PTPRD: variants seen among roughly 807,000 people sequenced by gnomAD.
PTPRD encodes the protein protein tyrosine phosphatase receptor type D.
In PTPRD, 34 loss-of-function variants were observed where a neutral mutation model predicts 214.5. The ratio of observed to expected loss-of-function variants is 0.16; its 90% CI spans 0.12 to 0.21. The LOEUF (loss-of-function observed/expected upper bound fraction) is 0.21, where lower values mean the gene tolerates loss of function less well. Ranked by LOEUF, PTPRD falls within the 10% of genes least tolerant of loss-of-function variation. PTPRD has a pLI of 1.00. For missense variants in PTPRD, 2,545 were observed against 2,398.7 expected, an observed-to-expected ratio of 1.06 and a Z score of -1.27; for synonymous variants, 1,128 against 845.7, an observed-to-expected ratio of 1.33 and a Z score of -5.79.
At chr9:8,847,928 A>G (rs1399435488) in intron 11 of PTPRD, among the ~76,000 whole-genome samples, 2 of 152,152 alleles carry the variant, frequency 1.3e-5, no homozygotes, top group African/African-American at 4.8e-5. Flanking sequence ...GCATAATTCC[A>G]TTTCTTTGAT....
chr9:10,456,327 G>A (rs2098917007), intron 2 of PTPRD, among the ~76,000 whole-genome samples: 1 of 151,872 alleles, frequency 6.6e-6, no homozygotes, highest in Non-Finnish European at 1.5e-5. Flanking sequence ...TTTACCAAGT[G>A]AATCAAAACC....
intron 10 of PTPRD, among the ~76,000 whole-genome samples, chr9:9,042,610 TTTTCTTTTC>T (rs1385310216): frequency 9.6e-5 from 8 of 83,682 alleles, no homozygotes; most frequent in East Asian, 4.6e-4. Context: ...TTTTTCTTTT[TTTTCTTTTC>T]TTTTTTTTTT....
chr9:9,156,976 C>T (rs1477619305), intron 10 of PTPRD, among the ~76,000 whole-genome samples: 1 of 152,290 alleles, frequency 6.6e-6, no homozygotes, highest in East Asian at 1.9e-4. Context: ...TTCTCTGCTA[C>T]CAAGTGGTTA....
chr9:9,807,913 C>G (rs189689119), intron 5 of PTPRD, among the ~76,000 whole-genome samples: 3 of 152,182 alleles, frequency 2.0e-5, no homozygotes, highest in Non-Finnish European at 2.9e-5. Flanking sequence ...ACCCTAAGAG[C>G]AGTTTTTATA....
At chr9:10,002,050 T>C (rs1346030494) in intron 4 of PTPRD, among the ~76,000 whole-genome samples, 1 of 151,914 alleles carries the variant, frequency 6.6e-6, no homozygotes, top group Non-Finnish European at 1.5e-5. Flanking sequence ...AGGAGCTACA[T>C]TGGAGCAATG....
At chr9:9,943,161 T>C (rs1487898060) in intron 4 of PTPRD, among the ~76,000 whole-genome samples, 2 of 152,166 alleles carry the variant, frequency 1.3e-5, no homozygotes, top group Non-Finnish European at 2.9e-5. Context: ...AGATCTGTTT[T>C]AACCCTTAAA....
At chr9:8,596,203 T>C (rs150806610) in intron 14 of PTPRD, among the ~76,000 whole-genome samples, 5 of 152,104 alleles carry the variant, frequency 3.3e-5, no homozygotes, top group Non-Finnish European at 5.9e-5. Context: ...TTGCATATCA[T>C]GAATTATCTT....
intron 10 of PTPRD, among the ~76,000 whole-genome samples, chr9:9,071,588 A>G (rs1024776334): frequency 5.3e-5 from 8 of 152,160 alleles, no homozygotes; most frequent in African/African-American, 1.7e-4. Context: ...CTAGCCTCCA[A>G]TCAGCAAAGG....
chr9:10,157,114 C>A (rs2099098432), intron 3 of PTPRD, among the ~76,000 whole-genome samples: 2 of 152,128 alleles, frequency 1.3e-5, no homozygotes. Context: ...TGATTGGGGG[C>A]ATTTAGCCCA....
Position 10,095,094 on chromosome 9 carries a change from G to A in PTPRD, c.-544-61304C>T, listed in dbSNP as rs1045218980. ...ATGCACAATTTTCAAAGAGGAAAGA[G>A]GCATAGGTGAGATATTTTGTCATTT... is the stretch of plus-strand genomic sequence containing the variant. On this transcript the variant is annotated intron_variant, in intron 3 of 45. Transcript: ENST00000381196. 6.6e-5 allele frequency among the ~76,000 whole-genome samples: 10 copies of A among 151,224 alleles called. No individual in the cohort carries two copies. In the Admixed American group the frequency reaches 6.6e-4, roughly 10 times the overall value.
At chr9:9,253,579 G>C (rs2099976361) in intron 9 of PTPRD, among the ~76,000 whole-genome samples, 1 of 151,952 alleles carries the variant, frequency 6.6e-6, no homozygotes, top group South Asian at 2.1e-4. Context: ...GCTTCAGTTT[G>C]AGTGATTTTG....
intron 10 of PTPRD, among the ~76,000 whole-genome samples, chr9:9,081,875 T>C (rs1437698666): frequency 1.3e-5 from 2 of 151,792 alleles, no homozygotes; most frequent in African/African-American, 2.4e-5. Context: ...TCCATGCCTT[T>C]ATTTTGAGCG....
chr9:9,827,372 T>C (rs1183492645), intron 5 of PTPRD, among the ~76,000 whole-genome samples: 1 of 152,146 alleles, frequency 6.6e-6, no homozygotes, highest in Non-Finnish European at 1.5e-5. Context: ...AGCTATCTGA[T>C]CTTTGACAAA....
At chr9:8,330,339 G>GTTGT (rs1211632733) in intron 44 of PTPRD, among the ~76,000 whole-genome samples, 1 of 152,022 alleles carries the variant, frequency 6.6e-6, no homozygotes, top group South Asian at 2.1e-4. Context: ...TAAGTACATT[G>GTTGT]TTGTTTGTTT....
At chr9:8,586,930 G>T (rs915541092) in intron 14 of PTPRD, among the ~76,000 whole-genome samples, 4 of 152,206 alleles carry the variant, frequency 2.6e-5, no homozygotes, top group African/African-American at 9.7e-5. Flanking sequence ...GGCGGACCAT[G>T]AGGTCGGAAG....
chr9:8,710,657 T>C (rs999128177), intron 12 of PTPRD, among the ~76,000 whole-genome samples: 1 of 152,052 alleles, frequency 6.6e-6, no homozygotes, highest in African/African-American at 2.4e-5. Flanking sequence ...ATAACAGTAA[T>C]AGGATATCAA....
chr9:9,619,786 T>A (rs1156544448), intron 7 of PTPRD, among the ~76,000 whole-genome samples: 1 of 146,712 alleles, frequency 6.8e-6, no homozygotes, highest in East Asian at 2.0e-4. Flanking sequence ...TATACAAATA[T>A]CTATCTATAT....
chr9:9,634,373 A>G (rs544183606), intron 7 of PTPRD, among the ~76,000 whole-genome samples: 4 of 152,272 alleles, frequency 2.6e-5, no homozygotes, highest in Admixed American at 2.6e-4. Flanking sequence ...GTCATTGTTA[A>G]TATTAATTGC....
intron 4 of PTPRD, among the ~76,000 whole-genome samples, chr9:9,978,010 A>C (rs905453666): frequency 6.6e-6 from 1 of 152,142 alleles, no homozygotes; most frequent in Non-Finnish European, 1.5e-5. Context: ...CAAACAATGA[A>C]AAAAAGTCAA....
Sources: allele counts gnomAD v4.1 joint callset (sites outside exome capture counted in the v4.1 genomes callset), GRCh38; gene constraint gnomAD v4.1.1; transcripts MANE v1.5; gene names NCBI Gene and HGNC (gene_info 2026-07-23, HGNC 2026-07-21).